Variants in MR1 observed in about 807,000 individuals in gnomAD.
MR1 encodes the protein major histocompatibility complex class I-related protein 1.
MR1 carries 44 observed loss-of-function variants against 37.8 expected under a neutral mutation model. That is an observed-to-expected ratio of 1.16 (90% CI 0.91 to 1.50). The LOEUF is 1.50. MR1 is among the 40% of genes most tolerant of loss of function. MR1 has a pLI of 0.00. For missense variants in MR1, 386 were observed against 419.1 expected (o/e 0.92, Z 0.69); for synonymous variants, 153 against 155.8 (o/e 0.98, Z 0.13).
At chr1:181,045,453 G>A (rs572359594) in intron 1 of MR1, among the ~76,000 whole-genome samples, 105 of 152,102 alleles carry the variant, frequency 6.9e-4, no homozygotes, top group African/African-American at 2.5e-3. Context: ...CAGGCCATTT[G>A]GTTCCCATGC....
intron 1 of MR1, among the ~76,000 whole-genome samples, chr1:181,036,672 A>C (rs1476082443): frequency 6.6e-6 from 1 of 152,174 alleles, no homozygotes; most frequent in Admixed American, 6.5e-5. Flanking sequence ...TTGTGCTCCC[A>C]TGGCTCCTGT....
chr1:181,046,025 C>G (rs910917560), intron 1 of MR1, among the ~76,000 whole-genome samples: 2 of 152,238 alleles, frequency 1.3e-5, no homozygotes, highest in Non-Finnish European at 2.9e-5. Context: ...AGCCCACCAG[C>G]GCTGCAGCTC....
intron 1 of MR1, among the ~76,000 whole-genome samples, chr1:181,048,223 A>G (rs981149943): frequency 8.9e-6 from 1 of 112,728 alleles, no homozygotes; most frequent in Non-Finnish European, 1.8e-5. Context: ...TCTCAAAAAA[A>G]TAAATAAAAT....
chr1:181,053,466 G>A, intron 4 of MR1, 107 bp from the exon 5 acceptor site: 1 of 753,436 alleles, frequency 1.3e-6, no homozygotes, highest in Non-Finnish European at 2.3e-6. Flanking sequence ...GCAACAGTAA[G>A]GAAAATGGTG....
At position 181,057,046 on chromosome 1, in the gene MR1, T is replaced by A. The variant is rs948402764; in HGVS notation, c.*1781T>A. ...AAGGCAGGAGAATCACTTGAATCTA[T>A]AAGGCAGAGGTGGCAGTGAGCCGAG... On this transcript the variant is annotated 3_prime_UTR_variant, in exon 6 of 6. Coordinates refer to ENST00000367580, the MANE Select transcript of MR1 (RefSeq NM_001385161.1). 9 of 152,150 alleles carry A rather than the reference T, an allele frequency of 5.9e-5. No individual in the cohort carries two copies. The highest frequency in any genetic ancestry group is 1.9e-4 in the African/African-American group (8 of 41,466). 9.4% of individuals were successfully genotyped at this position (152,150 alleles called of 1,614,324 possible).
intron 3 of MR1, among the ~76,000 whole-genome samples, chr1:181,051,830 C>T (rs1394664098): frequency 6.6e-6 from 1 of 152,172 alleles, no homozygotes; most frequent in East Asian, 1.9e-4. Context: ...GCACTAAACA[C>T]AGAAATGAGA....
intron 1 of MR1, among the ~76,000 whole-genome samples, chr1:181,039,865 CAAAAAAA>C (rs35762032): frequency 1.3e-4 from 12 of 89,782 alleles, no homozygotes; most frequent in Admixed American, 6.2e-4. Context: ...GACTCCATCT[CAAAAAAA>C]AAAAAAAAAG....
intron 1 of MR1, among the ~76,000 whole-genome samples, chr1:181,043,168 C>T (rs900112509): frequency 2.0e-5 from 3 of 152,160 alleles, no homozygotes; most frequent in Admixed American, 2.0e-4. Context: ...CCAGAGGCTT[C>T]CACTGTCTTC....
intron 1 of MR1, among the ~76,000 whole-genome samples, chr1:181,034,386 T>C (rs1018159600): frequency 3.9e-5 from 6 of 152,212 alleles, no homozygotes; most frequent in African/African-American, 1.4e-4. Context: ...TTGTTTCTCC[T>C]CTTTTCTAAC....
chr1:181,038,774 T>C (rs1657404698), intron 1 of MR1, among the ~76,000 whole-genome samples: 1 of 152,212 alleles, frequency 6.6e-6, no homozygotes, highest in Non-Finnish European at 1.5e-5. Flanking sequence ...CTGAGGATGA[T>C]CTTGGGCAAT....
intron 1 of MR1, among the ~76,000 whole-genome samples, chr1:181,035,956 C>G (rs1657246487): frequency 6.6e-6 from 1 of 152,126 alleles, no homozygotes; most frequent in African/African-American, 2.4e-5. Flanking sequence ...CTTCTCTGTT[C>G]TGTTCTGTGT....
rs1158366130 is a variant in MR1, at chr1:181,060,492, A to C, written c.*5227A>C. The stretch of plus-strand genomic sequence containing the variant: ...ATCTAGCAGTTAGGAAACCAAGATC[A>C]TTAAATGAATTCACCGCAACTACAG... On this transcript the variant is annotated 3_prime_UTR_variant, in exon 6 of 6. Coordinates refer to ENST00000367580, the MANE Select transcript of MR1 (RefSeq NM_001385161.1). The C allele has an allele frequency of 6.6e-6, 1 of 152,238 alleles. No homozygotes were observed. Among genetic ancestry groups the C allele is most frequent in the Non-Finnish European group, 1.5e-5 (1 of 68,040 alleles). The allele number at this position is 152,238 out of a possible 1,614,324, so 9.4% of individuals were successfully genotyped here.
chr1:181,052,458 C>T lies in MR1; in HGVS notation c.828C>T (p.Tyr276=). The T allele has an allele frequency of 1.9e-6, 3 of 1,614,180 alleles. No individual in the cohort carries two copies. The highest frequency in any genetic ancestry group is 2.5e-6 in the Non-Finnish European group (3 of 1,180,044). The change falls in exon 4 of 6, where the codon TAC becomes TAT. Residue 276 remains tyrosine (Y), a synonymous_variant. Coordinates refer to ENST00000367580, the MANE Select transcript of MR1 (RefSeq NM_001385161.1). Reference sequence around the variant, plus strand: ...TTGATCCTCAGAGCAGCAACCTTTACTCCTGTCATGTGGAGCACTGCGGTG... The same window carrying T: ...TTGATCCTCAGAGCAGCAACCTTTATTCCTGTCATGTGGAGCACTGCGGTG... ...IELDPQSSNL[Y]SCHVEHCGVH... is the part of the protein sequence containing the mutation.
rs772017108 is a variant in MR1 at position 181,049,202 on chromosome 1, C to T, written c.218C>T (p.Ala73Val). 9 of 1,614,192 alleles carry T rather than the reference C, an allele frequency of 5.6e-6. No homozygotes were observed. The South Asian group carries it at 9.9e-5, about 18-fold the overall frequency. ...RQKEPRAPWM[A>V]ENLAPDHWER... is the part of the protein sequence containing the mutation. ...AAGGAGCCACGGGCCCCATGGATGG[C>T]AGAGAACCTCGCGCCTGATCACTGG... Residue 73 changes from alanine (A) to valine (V), a missense_variant, in exon 2 of 6, where the codon GCA becomes GTA. Transcript: ENST00000367580.
chr1:181,048,937 G>C lies in MR1; in HGVS notation c.68-115G>C, dbSNP rs58860674. ...TGTAAGAGGAAATGGCAGCTGGGGCGTGGAGGCCTGGGTACAGCTGAGTAG... is the reference window on the plus strand; with the variant it reads ...TGTAAGAGGAAATGGCAGCTGGGGCCTGGAGGCCTGGGTACAGCTGAGTAG... On this transcript the variant is annotated intron_variant, in intron 1 of 5. Transcript: ENST00000367580. 5.8e-3 allele frequency: 7,746 copies of C among 1,344,028 alleles called. 199 individuals carry two copies. In the African/African-American group the frequency reaches 0.069, roughly 12 times the overall value. The allele number at this position is 1,344,028 out of a possible 1,614,324, so 83.3% of individuals were successfully genotyped here. A position where few individuals can be genotyped will look rare whatever the true frequency, so the allele number is the denominator to read the frequency against.
Position 181,052,232 on chromosome 1 carries a change from T to C in MR1, c.605-3T>C, listed in dbSNP as rs373246951. The stretch of plus-strand genomic sequence containing the variant: ...TGATTTAACTTTAGCTTCTTCTTCC[T>C]AGAGCCCCCACTGGTCAGAGTAAAT... On this transcript the variant is annotated splice_region_variant and splice_polypyrimidine_tract_variant and intron_variant, in intron 3 of 5. Transcript: ENST00000367580. The C allele has an allele frequency of 6.8e-6, 11 of 1,612,526 alleles. No homozygotes were observed. The African/African-American group carries it at 1.3e-4, about 20-fold the overall frequency.
intron 1 of MR1, among the ~76,000 whole-genome samples, chr1:181,037,487 A>AT (rs1044503800): frequency 1.3e-5 from 2 of 152,114 alleles, no homozygotes; most frequent in African/African-American, 4.8e-5. Flanking sequence ...TAATTTGTAG[A>AT]TTTTTCTTTT....
chr1:181,046,741 G>A (rs1328143336), intron 1 of MR1, among the ~76,000 whole-genome samples: 1 of 152,088 alleles, frequency 6.6e-6, no homozygotes. Context: ...TCACTCTTTG[G>A]GTCCACACTG....
chr1:181,051,990 G>T, intron 3 of MR1, among the ~76,000 whole-genome samples: 1 of 152,206 alleles, frequency 6.6e-6, no homozygotes, highest in East Asian at 1.9e-4. Context: ...AGTCAAAGCT[G>T]TATGACTTTC....
Sources: gnomAD v4.1 joint callset for allele counts (sites outside exome capture counted in the v4.1 genomes callset) on GRCh38, gnomAD v4.1.1 for gene constraint, MANE v1.5 for transcripts, NCBI Gene and HGNC (gene_info 2026-07-23, HGNC 2026-07-21) for gene names.